DENND4C: variants seen among roughly 807,000 people sequenced by gnomAD.
DENND4C encodes the protein DENN domain containing 4C, also known as DENN domain-containing protein 4C.
DENND4C carries 108 observed loss-of-function variants against 203.0 expected under a neutral mutation model. The ratio of observed to expected loss-of-function variants is 0.53; its 90% CI spans 0.46 to 0.62. DENND4C has a LOEUF of 0.62. Among genes scored for constraint, DENND4C ranks in the 20% least tolerant of loss-of-function variants. DENND4C has a pLI of 0.00. For synonymous variants in DENND4C, 871 were observed against 792.4 expected, an observed-to-expected ratio of 1.10 and a Z score of -1.67; for missense variants, 2,481 against 2,301.2, an observed-to-expected ratio of 1.08 and a Z score of -1.60.
At chr9:19,231,478 T>G (rs371861931) in intron 1 of DENND4C, among the ~76,000 whole-genome samples, 1 of 151,976 alleles carries the variant, frequency 6.6e-6, no homozygotes, top group Non-Finnish European at 1.5e-5. Context: ...AACCAAGGAA[T>G]GAAGTCCTAA....
chr9:19,336,798 C>A lies in DENND4C; in HGVS notation c.2847C>A (p.Ile949=), dbSNP rs1200935556. 1.9e-6 allele frequency: 3 copies of A among 1,550,596 alleles called. No individual in the cohort carries two copies. Among genetic ancestry groups the A allele is most frequent in the Non-Finnish European group, 2.6e-6 (3 of 1,146,984 alleles). ...GEHTVFVRDL[I]RLESIDNHSS... is the part of the protein sequence containing the mutation. The stretch of plus-strand genomic sequence containing the variant: ...ACACAGTCTTCGTCAGAGATTTAAT[C>A]AGGCTTGAGTCCATTGATAATCACT... Residue 949 remains isoleucine (I), a synonymous_variant, in exon 20 of 33, where the codon ATC becomes ATA. Transcript: ENST00000434457.
At chr9:19,368,275 TTC>T (rs1554645675) in intron 30 of DENND4C, among the ~76,000 whole-genome samples, 17,904 of 142,780 alleles carry the variant, frequency 0.13, 1,462 homozygotes, top group African/African-American at 0.28. Flanking sequence ...TTTTTTTTTT[TTC>T]GGTTTAACAC....
At chr9:19,241,765 C>A (rs1470600841) in intron 1 of DENND4C, among the ~76,000 whole-genome samples, 1 of 151,994 alleles carries the variant, frequency 6.6e-6, no homozygotes, top group African/African-American at 2.4e-5. Context: ...CGCCTGTAAT[C>A]TAAGCACATT....
At chr9:19,360,652 T>G (rs991294219) in intron 29 of DENND4C, among the ~76,000 whole-genome samples, 163 bp downstream of exon 29, 20 of 152,210 alleles carry the variant, frequency 1.3e-4, no homozygotes, top group African/African-American at 4.8e-4. Context: ...GTTAGGAACC[T>G]AAGATCCTTT....
chr9:19,351,209 C>T (rs1402732590), intron 24 of DENND4C, among the ~76,000 whole-genome samples: 1 of 152,084 alleles, frequency 6.6e-6, no homozygotes, highest in Non-Finnish European at 1.5e-5. Context: ...CACCTACTGC[C>T]TTTGTTTTTA....
chr9:19,317,201 T>A (rs919998551), intron 12 of DENND4C, among the ~76,000 whole-genome samples: 29 of 141,256 alleles, frequency 2.1e-4, no homozygotes, highest in African/African-American at 4.5e-4. Context: ...TTTTTTTTTT[T>A]AATAGAGCAG....
intron 30 of DENND4C, among the ~76,000 whole-genome samples, chr9:19,369,141 C>G (rs947498696): frequency 2.6e-5 from 4 of 151,890 alleles, no homozygotes; most frequent in Non-Finnish European, 5.9e-5. Context: ...GATCCTGTCT[C>G]CAAAAATTAA....
At chr9:19,317,753 T>C (rs1842091386) in intron 12 of DENND4C, among the ~76,000 whole-genome samples, 1 of 152,174 alleles carries the variant, frequency 6.6e-6, no homozygotes, top group African/African-American at 2.4e-5. Context: ...ATTTTAAAAA[T>C]AGAACAAGTA....
intron 24 of DENND4C, 88 bp from the exon 25 acceptor site, chr9:19,351,985 C>T: frequency 9.7e-7 from 1 of 1,031,406 alleles, no homozygotes; most frequent in South Asian, 1.4e-5. Flanking sequence ...AGACTTTATT[C>T]TGTGTCCCCC....
intron 30 of DENND4C, among the ~76,000 whole-genome samples, chr9:19,362,737 C>A (rs942916640): frequency 3.9e-5 from 6 of 152,144 alleles, no homozygotes; most frequent in African/African-American, 1.4e-4. Flanking sequence ...GGTATAGGAT[C>A]ATAAGTTCAG....
intron 1 of DENND4C, among the ~76,000 whole-genome samples, chr9:19,241,052 A>G (rs1029629310): frequency 1.3e-5 from 2 of 152,204 alleles, no homozygotes; most frequent in Non-Finnish European, 2.9e-5. Flanking sequence ...ATAATAGGGC[A>G]CTTACCACGA....
At chr9:19,341,501 G>A (rs1391136877) in intron 21 of DENND4C, among the ~76,000 whole-genome samples, 1 of 151,708 alleles carries the variant, frequency 6.6e-6, no homozygotes, top group African/African-American at 2.4e-5. Flanking sequence ...GTAGAGACAA[G>A]GTCTCACCAT....
intron 1 of DENND4C, among the ~76,000 whole-genome samples, chr9:19,273,560 A>G (rs1458275801): frequency 1.3e-5 from 2 of 152,074 alleles, no homozygotes; most frequent in Admixed American, 6.5e-5. Context: ...TGTCTCAAGA[A>G]TACATAAAGA....
In DENND4C at chr9:19,358,892, C is replaced by T. The variant is rs147884803; in HGVS notation, c.5160+732C>T. 7.2e-3 allele frequency among the ~76,000 whole-genome samples: 1,097 copies of T among 151,772 alleles called. 38 individuals are homozygous for T. The highest frequency in any genetic ancestry group is 0.057 in the East Asian group (295 of 5,172). ...CATTTGCTTGTTTATTTTTGTAAGA[C>T]GATTTCATCAGTGGTGGTATGTTCC... On this transcript the variant is annotated intron_variant, in intron 28 of 32. Transcript: ENST00000434457. This position sits in a 1 kb window ranked among gnomAD's most constrained non-coding sequence, Gnocchi z 4.8.
At chr9:19,255,366 C>G (rs1827684076) in intron 1 of DENND4C, among the ~76,000 whole-genome samples, 1 of 151,192 alleles carries the variant, frequency 6.6e-6, no homozygotes, top group Non-Finnish European at 1.5e-5. Context: ...GATTGTGCCA[C>G]TGCATTCCAG....
chr9:19,250,692 A>C (rs1006088679), intron 1 of DENND4C, among the ~76,000 whole-genome samples: 1 of 152,240 alleles, frequency 6.6e-6, no homozygotes, highest in Non-Finnish European at 1.5e-5. Flanking sequence ...CAGCCATTTC[A>C]AATGGGAGAA....
intron 10 of DENND4C, among the ~76,000 whole-genome samples, chr9:19,313,627 G>A (rs756299026): frequency 3.3e-5 from 5 of 152,162 alleles, no homozygotes; most frequent in Non-Finnish European, 5.9e-5. Flanking sequence ...TTCAAGAGAC[G>A]TTAAAATATG....
intron 12 of DENND4C, among the ~76,000 whole-genome samples, chr9:19,319,570 G>A (rs1171703273): frequency 6.6e-6 from 1 of 151,188 alleles, no homozygotes; most frequent in African/African-American, 2.4e-5. Flanking sequence ...TGGAAGATAA[G>A]GCTGAAAATA....
At chr9:19,299,964 C>G (rs1351540797) in intron 8 of DENND4C, among the ~76,000 whole-genome samples, 1 of 152,208 alleles carries the variant, frequency 6.6e-6, no homozygotes, top group Non-Finnish European at 1.5e-5. Context: ...ACTCAAATGG[C>G]TGTTCAGGAA....
Sources: gnomAD v4.1 joint callset for allele counts (sites outside exome capture counted in the v4.1 genomes callset) on GRCh38, gnomAD v4.1.1 for gene constraint, Gnocchi (gnomAD v3.1) non-coding constraint, MANE v1.5 for transcripts, NCBI Gene and HGNC (gene_info 2026-07-23, HGNC 2026-07-21) for gene names.